The following SYTL3 variants were observed in gnomAD, a reference collection of about 807,000 sequenced individuals.
SYTL3 encodes the protein synaptotagmin-like protein 3.
Under a neutral mutation model 82.1 loss-of-function variants are expected in SYTL3, and 88 were observed. That is an observed-to-expected ratio of 1.07 (90% CI 0.90 to 1.28). The LOEUF is 1.28. SYTL3 is among the 50% of genes most tolerant of loss of function. The probability of loss-of-function intolerance (pLI) is 0.00; values close to 1 mark genes in which losing one functional copy is unlikely to be tolerated. For missense variants in SYTL3, 831 were observed against 757.6 expected (o/e 1.10, Z -1.14); for synonymous variants, 311 against 289.4 (o/e 1.07, Z -0.76).
At chr6:158,648,814 G>A (rs893699205), upstream of SYTL3, among the ~76,000 whole-genome samples, 4 of 152,130 alleles carry the variant, frequency 2.6e-5, no homozygotes, top group Admixed American at 6.6e-5. Flanking sequence ...TCATGGCTGA[G>A]GAATTTAATG....
chr6:158,701,176 G>GGGGGA (rs1252511409), intron 6 of SYTL3, among the ~76,000 whole-genome samples: 14 of 123,516 alleles, frequency 1.1e-4, no homozygotes, highest in South Asian at 2.8e-4. Context: ...GATGAAGGAG[G>GGGGGA]TGAGCTGGGG....
intron 2 of SYTL3, among the ~76,000 whole-genome samples, chr6:158,660,724 A>G (rs939631905): frequency 8.5e-5 from 13 of 152,186 alleles, no homozygotes; most frequent in African/African-American, 3.1e-4. Flanking sequence ...AAAAGAAAGC[A>G]CAGTGCACAG....
intron 11 of SYTL3, among the ~76,000 whole-genome samples, chr6:158,733,276 C>T (rs1020985557): frequency 1.3e-5 from 2 of 152,126 alleles, no homozygotes; most frequent in Non-Finnish European, 2.9e-5. Flanking sequence ...TTTTCTAAGT[C>T]CTTTCACAAG....
At chr6:158,654,406 T>C (rs1357107926) in intron 2 of SYTL3, among the ~76,000 whole-genome samples, 1 of 152,204 alleles carries the variant, frequency 6.6e-6, no homozygotes, top group Non-Finnish European at 1.5e-5. Context: ...GTAACCAAAC[T>C]GTGTTTGTCT....
intron 6 of SYTL3, among the ~76,000 whole-genome samples, chr6:158,686,284 C>T (rs555403144): frequency 6.6e-6 from 1 of 152,290 alleles, no homozygotes; most frequent in South Asian, 2.1e-4. Context: ...GGAAGATCAA[C>T]CTCAGCATAA....
chr6:158,716,785 A>C (rs1783477312), intron 9 of SYTL3, among the ~76,000 whole-genome samples: 2 of 152,202 alleles, frequency 1.3e-5, no homozygotes, highest in African/African-American at 4.8e-5. Context: ...GGGGGTCAAG[A>C]GCCACAGTGT....
chr6:158,721,678 G>C (rs946610978), intron 10 of SYTL3, among the ~76,000 whole-genome samples: 1 of 152,022 alleles, frequency 6.6e-6, no homozygotes, highest in African/African-American at 2.4e-5. Flanking sequence ...TGTTGCCCAG[G>C]CTGGAGTACG....
intron 2 of SYTL3, among the ~76,000 whole-genome samples, chr6:158,653,233 G>A (rs894523987): frequency 2.0e-5 from 3 of 152,116 alleles, no homozygotes; most frequent in Admixed American, 6.6e-5. Context: ...CAGGCCGGTC[G>A]CAGTGGCTCA....
intron 13 of SYTL3, 88 bp from the exon 14 acceptor site, chr6:158,757,123 G>A: frequency 7.3e-7 from 1 of 1,361,322 alleles, no homozygotes; most frequent in Non-Finnish European, 9.9e-7. Context: ...CCGGGAAGTG[G>A]GGCCCTGGAA....
At position 158,760,732 on chromosome 6, in the gene SYTL3, A is replaced by G. The variant is rs1359884118; in HGVS notation, c.1401A>G (p.Gln467=). ...LVLPSRPRKL[Q]EAQEGTDQPS... is the part of the protein sequence containing the mutation. ...TCCCTTCACGGCCCAGAAAACTCCA[A>G]GAGGCTCAAGAAGGTCAGTGGCCTC... The change falls in exon 15 of 18, where the codon CAA becomes CAG. Residue 467 remains glutamine (Q), a synonymous_variant. Transcript: ENST00000611299. 1 of 1,613,984 alleles carries G rather than the reference A, an allele frequency of 6.2e-7. No homozygotes were observed. The highest frequency in any genetic ancestry group is 8.5e-7 in the Non-Finnish European group (1 of 1,179,830).
chr6:158,739,804 G>A (rs369826486), intron 11 of SYTL3, among the ~76,000 whole-genome samples: 15 of 151,886 alleles, frequency 9.9e-5, no homozygotes, highest in African/African-American at 3.6e-4. Context: ...CATGAACCAT[G>A]GTATTTGGCC....
At chr6:158,741,550 GGATCA>G (rs951458282) in intron 11 of SYTL3, among the ~76,000 whole-genome samples, 2 of 152,130 alleles carry the variant, frequency 1.3e-5, no homozygotes, top group African/African-American at 4.8e-5. Context: ...AAACTGTGGT[GGATCA>G]GACTGACAGC....
intron 15 of SYTL3, among the ~76,000 whole-genome samples, chr6:158,761,214 T>C (rs1789876803): frequency 6.6e-6 from 1 of 152,010 alleles, no homozygotes; most frequent in African/African-American, 2.4e-5. Context: ...ATGGAGATTT[T>C]ACTCCTTCAA....
chr6:158,673,440 A>ATTTTTT lies in SYTL3; in HGVS notation c.329+7839_329+7844dup, dbSNP rs553781177. Among the ~76,000 whole-genome samples the ATTTTTT allele has an allele frequency of 3.0e-5, 4 of 134,506 alleles. 1 individual carries two copies. Among genetic ancestry groups the ATTTTTT allele is most frequent in the African/African-American group, 5.5e-5 (2 of 36,626 alleles). The allele number at this position is 134,506 out of a possible 152,430, so 88.2% of individuals were successfully genotyped here. ...CTTACACAGCTTCTTTGGGAATAGC[A>ATTTTTT]TTTTTTTTTTTTTTTTTGAGACGGA... On this transcript the variant is annotated intron_variant, in intron 5 of 17. Transcript: ENST00000611299.
chr6:158,759,562 T>A (rs568538798), intron 14 of SYTL3, among the ~76,000 whole-genome samples: 64 of 152,332 alleles, frequency 4.2e-4, no homozygotes, highest in Middle Eastern at 3.4e-3. Flanking sequence ...AGACGGAGTT[T>A]TGCTCTGTCG....
chr6:158,668,152 C>T (rs7761833), intron 5 of SYTL3, among the ~76,000 whole-genome samples: 2 of 152,340 alleles, frequency 1.3e-5, no homozygotes, highest in East Asian at 3.9e-4. Flanking sequence ...CAGGTCCCCC[C>T]GGCCCCCAGG....
intron 7 of SYTL3, 47 bp downstream of exon 7, chr6:158,707,328 G>A (rs778625081): frequency 2.5e-6 from 4 of 1,573,544 alleles, no homozygotes; most frequent in South Asian, 1.1e-5. Flanking sequence ...CGGGGCAGGA[G>A]CGCAGAGGAC....
At chr6:158,754,290 G>A (rs1392565978) in intron 13 of SYTL3, among the ~76,000 whole-genome samples, 3 of 152,222 alleles carry the variant, frequency 2.0e-5, no homozygotes, top group Non-Finnish European at 4.4e-5. Context: ...GCCTGGAGAG[G>A]ATGAAGTGAT....
At chr6:158,733,800 C>T (rs376315694) in intron 11 of SYTL3, among the ~76,000 whole-genome samples, 4 of 151,468 alleles carry the variant, frequency 2.6e-5, no homozygotes, top group South Asian at 4.2e-4. Flanking sequence ...GTTCCATCTC[C>T]AAGAAGCACC....
Sources: allele counts gnomAD v4.1 joint callset (sites outside exome capture counted in the v4.1 genomes callset), GRCh38; gene constraint gnomAD v4.1.1; transcripts MANE v1.5; gene names NCBI Gene and HGNC (gene_info 2026-07-23, HGNC 2026-07-21).